The following ANK1 variants were observed in gnomAD, a reference collection of about 807,000 sequenced individuals.
ANK1 encodes ankyrin-1.
In ANK1, 51 loss-of-function variants were observed where a neutral mutation model predicts 210.4. That is an observed-to-expected ratio of 0.24 (90% CI 0.19 to 0.31). ANK1 has a LOEUF of 0.31. Among genes scored for constraint, ANK1 ranks in the 10% least tolerant of loss-of-function variants. The pLI is 1.00. For synonymous variants in ANK1, 967 were observed against 1,025.9 expected (o/e 0.94, Z 1.10); for missense variants, 2,051 against 2,504.4 (o/e 0.82, Z 3.86).
rs956020735 is a variant in ANK1, at chr8:41,654,230, T to C, written c.*1560A>G. ...TCTGGCCTCCCTGGGCCGGAGGCTC[T>C]AGTGGAACTTAAGGCTCCTCCCTGA... On this transcript the variant is annotated 3_prime_UTR_variant, in exon 43 of 43. Coordinates refer to ENST00000289734, the MANE Select transcript of ANK1 (RefSeq NM_000037.4). 9.8e-5 allele frequency: 15 copies of C among 152,646 alleles called. No individual in the cohort carries two copies. The highest frequency in any genetic ancestry group is 2.0e-4 in the Admixed American group (3 of 15,292). The allele number at this position is 152,646 out of a possible 1,614,324, so 9.5% of individuals were successfully genotyped here.
At position 41,725,824 on chromosome 8, in the gene ANK1, G is replaced by A; in HGVS notation, c.549C>T (p.Asn183=). ...RLPALHIAAR[N]DDTRTAAVLL... is the part of the protein sequence containing the mutation. ...GCACCGCAGCCGTGCGCGTGTCGTC[G>A]TTGCGGGCCGCGATGTGCAGGGCCG... The change falls in exon 6 of 43, where the codon AAC becomes AAT. Residue 183 remains asparagine (N), a synonymous_variant. Transcript: ENST00000289734. 1 of 1,612,100 alleles carries A rather than the reference G, an allele frequency of 6.2e-7. No homozygotes were observed. The highest frequency in any genetic ancestry group is 8.5e-7 in the Non-Finnish European group (1 of 1,179,720).
rs1464198149 is a variant in ANK1 at position 41,673,042 on chromosome 8, T to A, written c.4538-130A>T. On this transcript the variant is annotated intron_variant, in intron 37 of 42. Coordinates refer to ENST00000289734, the MANE Select transcript of ANK1 (RefSeq NM_000037.4). The stretch of plus-strand genomic sequence containing the variant: ...CACAGAGATGCATGCACATTCGGGG[T>A]GGGTTGGGGGCTTTCCAAGCTCCAG... 2.9e-6 allele frequency: 3 copies of A among 1,023,748 alleles called. No homozygotes were observed. In the African/African-American group the frequency reaches 4.9e-5, roughly 17 times the overall value. The allele number at this position is 1,023,748 out of a possible 1,614,324, so 63.4% of individuals were successfully genotyped here. A position where few individuals can be genotyped will look rare whatever the true frequency, so the allele number is the denominator to read the frequency against.
chr8:41,704,289 A>T lies in ANK1; in HGVS notation c.2196+85T>A. Reference sequence around the variant, plus strand: ...CTTCAGGGTCCATGGTCAAAACCCTAGTGCTCCCAGAGCAGCTCTGGCTTT... The same window carrying T: ...CTTCAGGGTCCATGGTCAAAACCCTTGTGCTCCCAGAGCAGCTCTGGCTTT... On this transcript the variant is annotated intron_variant, in intron 19 of 42. Coordinates refer to ENST00000289734, the MANE Select transcript of ANK1 (RefSeq NM_000037.4). The surrounding 1 kb of genome is among the most constrained non-coding windows in gnomAD (Gnocchi z 4.1). 6.9e-7 allele frequency: 1 copy of T among 1,444,466 alleles called. No homozygotes were observed. The highest frequency in any genetic ancestry group is 9.7e-7 in the Non-Finnish European group (1 of 1,027,260). 89.5% of individuals were successfully genotyped at this position (1,444,466 alleles called of 1,614,324 possible).
At chr8:41,764,960 A>C (rs889908353) in intron 1 of ANK1, among the ~76,000 whole-genome samples, 3 of 152,214 alleles carry the variant, frequency 2.0e-5, no homozygotes, top group African/African-American at 7.2e-5. Flanking sequence ...TAACTTGTCC[A>C]AAGTCACATA....
chr8:41,731,399 C>A (rs531123056), intron 3 of ANK1, among the ~76,000 whole-genome samples: 10 of 152,200 alleles, frequency 6.6e-5, no homozygotes, highest in Non-Finnish European at 1.2e-4. Flanking sequence ...AGTGAGAGAG[C>A]AGGCTTTTTT....
At chr8:41,707,762 T>C (rs777188358) in intron 17 of ANK1, among the ~76,000 whole-genome samples, 2 of 152,186 alleles carry the variant, frequency 1.3e-5, no homozygotes, top group African/African-American at 4.8e-5. Context: ...GGTTCGCTCA[T>C]TGGGGGTCAA....
chr8:41,810,005 G>C (rs964491692), intron 1 of ANK1, among the ~76,000 whole-genome samples: 1 of 152,226 alleles, frequency 6.6e-6, no homozygotes, highest in Admixed American at 6.5e-5. Context: ...TGGGAAGGGC[G>C]TGTTATATGC....
In ANK1 at chr8:41,694,017, C is replaced by G; in HGVS notation, c.3413G>C (p.Arg1138Pro). ...FSPIVTVEPR[R>P]RKFHRPIGLR... is the part of the protein sequence containing the mutation. The stretch of plus-strand genomic sequence containing the variant: ...CCCAATGGGGCGGTGGAACTTCCGG[C>G]GCCGGGGCTCCACGGTGACAATGGG... The change falls in exon 29 of 43, where the codon CGC becomes CCC. Residue 1138 changes from arginine (R) to proline (P), a missense_variant. Physicochemically the swap from Arg to Pro is moderately radical, Grantham distance 103. Coordinates refer to ENST00000289734, the MANE Select transcript of ANK1 (RefSeq NM_000037.4). The surrounding 1 kb of genome is among the most constrained non-coding windows in gnomAD (Gnocchi z 5.7). 1 of 1,614,014 alleles carries G rather than the reference C, an allele frequency of 6.2e-7. No individual in the cohort carries two copies.
chr8:41,670,398 C>T (rs981772109), intron 38 of ANK1, among the ~76,000 whole-genome samples: 6 of 152,132 alleles, frequency 3.9e-5, no homozygotes, highest in Admixed American at 2.0e-4. Context: ...GTTCATGAAC[C>T]CAGTTAGCAA....
intron 1 of ANK1, among the ~76,000 whole-genome samples, chr8:41,795,794 G>C (rs781446070): frequency 6.6e-6 from 1 of 152,094 alleles, no homozygotes; most frequent in East Asian, 1.9e-4. Flanking sequence ...TTGGTTATGC[G>C]TACAAACATA....
At chr8:41,685,332 C>T (rs1478137624) in intron 36 of ANK1, among the ~76,000 whole-genome samples, 3 of 152,206 alleles carry the variant, frequency 2.0e-5, no homozygotes. Context: ...TAGATTCTGT[C>T]CTTTTGAAAT....
rs1818934603 is a variant in ANK1, at chr8:41,690,359, A to G, written c.3985-13T>C. The G allele has an allele frequency of 1.9e-6, 3 of 1,614,170 alleles. No homozygotes were observed. The highest frequency in any genetic ancestry group is 2.5e-6 in the Non-Finnish European group (3 of 1,180,034). ...TGCTGTCCCTCACCTAAACTCAATC[A>G]CACAAAGGAGAATTCAGGGGCCCTT... is the stretch of plus-strand genomic sequence containing the variant. On this transcript the variant is annotated splice_polypyrimidine_tract_variant and intron_variant, in intron 32 of 42. Coordinates refer to ENST00000289734, the MANE Select transcript of ANK1 (RefSeq NM_000037.4).
chr8:41,684,101 A>G (rs370207069), intron 37 of ANK1, among the ~76,000 whole-genome samples: 2 of 152,232 alleles, frequency 1.3e-5, no homozygotes, highest in African/African-American at 4.8e-5. Flanking sequence ...AGGAATCTCC[A>G]TGCCCTCTGC....
chr8:41,771,898 T>C (rs1439170716), intron 1 of ANK1, among the ~76,000 whole-genome samples: 2 of 152,206 alleles, frequency 1.3e-5, no homozygotes, highest in Non-Finnish European at 2.9e-5. Context: ...TGTCAATTCC[T>C]GCAGGGATTT....
At chr8:41,889,510 A>C (rs2150836610) in intron 1 of ANK1, among the ~76,000 whole-genome samples, 1 of 152,390 alleles carries the variant, frequency 6.6e-6, no homozygotes, top group South Asian at 2.1e-4. Flanking sequence ...AGAAGAGTCC[A>C]GTCACATTGG....
chr8:41,822,301 G>A (rs1373762553), intron 1 of ANK1, among the ~76,000 whole-genome samples: 2 of 152,100 alleles, frequency 1.3e-5, no homozygotes, highest in African/African-American at 2.4e-5. Flanking sequence ...CCATATACAC[G>A]TCCAAGCTCA....
chr8:41,692,114 C>A (rs1260778996), intron 31 of ANK1, among the ~76,000 whole-genome samples: 1 of 151,368 alleles, frequency 6.6e-6, no homozygotes, highest in Non-Finnish European at 1.5e-5. Flanking sequence ...TGGAGGGCAA[C>A]AGTGCGATCT....
intron 37 of ANK1, among the ~76,000 whole-genome samples, chr8:41,673,930 G>A (rs935835462): frequency 4.6e-5 from 7 of 152,204 alleles, no homozygotes; most frequent in African/African-American, 7.2e-5. Context: ...GGAATGGGCA[G>A]GGCTGCCCCT....
intron 1 of ANK1, among the ~76,000 whole-genome samples, chr8:41,859,269 G>A (rs1197524078): frequency 1.3e-5 from 2 of 152,238 alleles, no homozygotes; most frequent in Non-Finnish European, 2.9e-5. Flanking sequence ...AATTTCCCTG[G>A]GCTTGGCCCT....
Sources: allele counts gnomAD v4.1 joint callset (sites outside exome capture counted in the v4.1 genomes callset), GRCh38; gene constraint gnomAD v4.1.1; non-coding constraint Gnocchi (gnomAD v3.1); transcripts MANE v1.5; gene names NCBI Gene and HGNC (gene_info 2026-07-23, HGNC 2026-07-21).